The following NLGN1 variants were observed in gnomAD, a reference collection of about 807,000 sequenced individuals.
NLGN1 encodes the protein neuroligin 1.
NLGN1 carries 12 observed loss-of-function variants against 65.5 expected under a neutral mutation model. The observed-to-expected ratio is 0.18, with a 90% confidence interval of 0.12 to 0.30. The LOEUF is 0.30. Among genes scored for constraint, NLGN1 ranks in the 10% least tolerant of loss-of-function variants. The pLI, the probability that NLGN1 is intolerant of heterozygous loss-of-function variation, is 1.00. For synonymous variants in NLGN1, 350 were observed against 359.5 expected, an observed-to-expected ratio of 0.97 and a Z score of 0.30; for missense variants, 750 against 1,007.1, an observed-to-expected ratio of 0.74 and a Z score of 3.46.
At position 174,279,069 on chromosome 3, in the gene NLGN1, T is replaced by C; in HGVS notation, c.1068T>C (p.Phe356=). 1.2e-6 allele frequency: 2 copies of C among 1,613,186 alleles called. No homozygotes were observed. The highest frequency in any genetic ancestry group is 1.7e-6 in the Non-Finnish European group (2 of 1,179,434). The change falls in exon 6 of 7, where the codon TTT becomes TTC. Residue 356 remains phenylalanine, a synonymous_variant. Coordinates refer to ENST00000457714, the Ensembl canonical transcript of NLGN1. The surrounding 1 kb of genome is among the most constrained non-coding windows in gnomAD (Gnocchi z 4.7). ...AACCAGCTCGATACCACATAGCCTT[T>C]GGACCTGTGATTGATGGTGATGTAA...
intron 4 of NLGN1, among the ~76,000 whole-genome samples, chr3:174,182,149 C>CTAAATATA (rs1245199189): frequency 6.6e-6 from 1 of 151,888 alleles, no homozygotes; most frequent in Non-Finnish European, 1.5e-5. Context: ...ATCTTTTTTT[C>CTAAATATA]TAAATATATT....
chr3:173,639,096 G>C (rs369806760), intron 3 of NLGN1, among the ~76,000 whole-genome samples: 1 of 152,158 alleles, frequency 6.6e-6, no homozygotes, highest in Non-Finnish European at 1.5e-5. Context: ...GATATAAAAT[G>C]CTTCACTTGT....
rs151216256 is a variant in NLGN1, at chr3:173,961,446, A to C, written c.646+153614A>C. On this transcript the variant is annotated intron_variant, in intron 4 of 6. Transcript: ENST00000457714. The stretch of plus-strand genomic sequence containing the variant: ...TCTTCTTTCATCCCAGGGATGATTT[A>C]AGAGTGCTGTGAAAATATTGTTTAT... Among the ~76,000 whole-genome samples, 146 of 152,256 alleles carry C rather than the reference A, an allele frequency of 9.6e-4. 2 individuals carry two copies. In the East Asian group the frequency reaches 0.024, roughly 25 times the overall value.
chr3:173,545,773 G>A (rs1397568794), intron 2 of NLGN1, among the ~76,000 whole-genome samples: 15 of 152,110 alleles, frequency 9.9e-5, no homozygotes, highest in Non-Finnish European at 1.6e-4. Flanking sequence ...CATAAAAAAG[G>A]AGGAGTTCAT....
intron 4 of NLGN1, among the ~76,000 whole-genome samples, chr3:174,186,429 T>C (rs1731410373): frequency 6.6e-6 from 1 of 152,050 alleles, no homozygotes; most frequent in Non-Finnish European, 1.5e-5. Flanking sequence ...AGTATGAAAA[T>C]GTCACCAAAG....
chr3:174,147,227 G>T (rs1723448948), intron 4 of NLGN1, among the ~76,000 whole-genome samples: 1 of 152,026 alleles, frequency 6.6e-6, no homozygotes, highest in Non-Finnish European at 1.5e-5. Context: ...GTCATAGGTA[G>T]CGTCTGTAAA....
At chr3:174,071,889 T>C (rs1041515530) in intron 4 of NLGN1, among the ~76,000 whole-genome samples, 4 of 152,152 alleles carry the variant, frequency 2.6e-5, no homozygotes, top group African/African-American at 9.7e-5. Flanking sequence ...AATGGTTTGC[T>C]CTCAAGAAGC....
At chr3:174,083,780 C>G (rs553074259) in intron 4 of NLGN1, among the ~76,000 whole-genome samples, 1 of 151,854 alleles carries the variant, frequency 6.6e-6, no homozygotes, top group Admixed American at 6.6e-5. Flanking sequence ...TCCCTTATAA[C>G]CACAGCAAAC....
intron 4 of NLGN1, among the ~76,000 whole-genome samples, chr3:174,101,559 T>G (rs1712481110): frequency 1.3e-5 from 2 of 152,322 alleles, no homozygotes; most frequent in South Asian, 4.1e-4. Flanking sequence ...GTAAACAACT[T>G]TCAATGAATC....
At chr3:174,092,988 T>C (rs1744812454) in intron 4 of NLGN1, among the ~76,000 whole-genome samples, 1 of 152,176 alleles carries the variant, frequency 6.6e-6, no homozygotes. Flanking sequence ...CATAGCTCAT[T>C]GTCATTCCCT....
At chr3:174,070,803 C>T (rs553631386) in intron 4 of NLGN1, among the ~76,000 whole-genome samples, 40 of 152,208 alleles carry the variant, frequency 2.6e-4, no homozygotes, top group Non-Finnish European at 4.4e-4. Flanking sequence ...GCCTATAATT[C>T]TAACACTTTG....
intron 3 of NLGN1, among the ~76,000 whole-genome samples, chr3:173,655,876 A>C (rs753894980): frequency 6.6e-6 from 1 of 152,138 alleles, no homozygotes; most frequent in Non-Finnish European, 1.5e-5. Flanking sequence ...TGAACAAAGA[A>C]TTGGACAAAA....
intron 3 of NLGN1, among the ~76,000 whole-genome samples, chr3:173,778,528 G>A (rs754703616): frequency 6.6e-6 from 1 of 151,758 alleles, no homozygotes; most frequent in African/African-American, 2.4e-5. Context: ...GAAGAATTTT[G>A]CATATTGCTC....
intron 3 of NLGN1, among the ~76,000 whole-genome samples, chr3:173,616,447 A>G (rs1753091839): frequency 6.6e-6 from 1 of 152,124 alleles, no homozygotes; most frequent in South Asian, 2.1e-4. Flanking sequence ...TCTGTAACCC[A>G]TGGGAACTTA....
chr3:173,755,551 A>T (rs905528591), intron 3 of NLGN1, among the ~76,000 whole-genome samples: 1 of 152,096 alleles, frequency 6.6e-6, no homozygotes, highest in Non-Finnish European at 1.5e-5. Context: ...CTGGGATGGG[A>T]AATACCACAC....
chr3:173,847,404 C>A (rs927420352), intron 4 of NLGN1, among the ~76,000 whole-genome samples: 5 of 152,024 alleles, frequency 3.3e-5, no homozygotes, highest in African/African-American at 1.2e-4. Context: ...GCAAATTAGA[C>A]ACAAAGGGAA....
In NLGN1 at chr3:173,400,439, G is replaced by A. The variant is rs9854095; in HGVS notation, c.-390+1952G>A. 3.3e-3 allele frequency among the ~76,000 whole-genome samples: 497 copies of A among 152,138 alleles called. 1 individual carries two copies. The highest frequency in any genetic ancestry group is 0.011 in the African/African-American group (456 of 41,488). On this transcript the variant is annotated intron_variant, in intron 1 of 6. Transcript: ENST00000457714. The stretch of plus-strand genomic sequence containing the variant: ...GCCCCCCTTCTGAATTCACTCTTTA[G>A]TCCATTCACAAGACTCTTAATTACT...
intron 4 of NLGN1, among the ~76,000 whole-genome samples, chr3:174,105,642 C>A (rs987841982): frequency 5.0e-5 from 7 of 139,742 alleles, no homozygotes; most frequent in African/African-American, 1.9e-4. Context: ...CAATTGTCTT[C>A]ACCATACTGA....
At chr3:174,046,658 G>C (rs373868849) in intron 4 of NLGN1, among the ~76,000 whole-genome samples, 1 of 152,094 alleles carries the variant, frequency 6.6e-6, no homozygotes, top group Admixed American at 6.6e-5. Flanking sequence ...TTATACCTTG[G>C]AAGTATAGAA....
Sources: gnomAD v4.1 joint callset for allele counts (sites outside exome capture counted in the v4.1 genomes callset) on GRCh38, gnomAD v4.1.1 for gene constraint, Gnocchi (gnomAD v3.1) non-coding constraint, MANE v1.5 for transcripts, NCBI Gene and HGNC (gene_info 2026-07-23, HGNC 2026-07-21) for gene names.